Variants in POU2F3 observed in about 807,000 individuals in gnomAD.
POU2F3 encodes POU domain, class 2, transcription factor 3.
POU2F3 carries 23 observed loss-of-function variants against 59.2 expected under a neutral mutation model. The ratio of observed to expected loss-of-function variants is 0.39; its 90% CI spans 0.28 to 0.55. The LOEUF is 0.55. Among genes scored for constraint, POU2F3 ranks in the 20% least tolerant of loss-of-function variants. The pLI is 0.66. For synonymous variants in POU2F3, 190 were observed against 214.6 expected (o/e 0.89, Z 1.00); for missense variants, 473 against 544.5 (o/e 0.87, Z 1.31).
chr11:120,255,720 G>A (rs1171399121), intron 2 of POU2F3, among the ~76,000 whole-genome samples: 1 of 152,006 alleles, frequency 6.6e-6, no homozygotes, highest in Non-Finnish European at 1.5e-5. Context: ...CGCTGGGCTG[G>A]GTGTTATAAC....
chr11:120,315,128 G>A (rs972047939), intron 10 of POU2F3, among the ~76,000 whole-genome samples: 2 of 152,206 alleles, frequency 1.3e-5, no homozygotes, highest in Non-Finnish European at 2.9e-5. Flanking sequence ...GGGGCTGGAG[G>A]GCCCTGGTGT....
At chr11:120,305,281 G>A in intron 7 of POU2F3, 69 bp downstream of exon 7, 23 of 1,543,158 alleles carry the variant, frequency 1.5e-5, no homozygotes, top group Middle Eastern at 2.3e-4. Context: ...CCCAAGTGCA[G>A]GTTTCAAGAG....
chr11:120,283,922 G>C lies in POU2F3; in HGVS notation c.133-14343G>C, dbSNP rs12224052. On this transcript the variant is annotated intron_variant, in intron 3 of 12. Transcript: ENST00000543440. ...GTTCAGTTACTGGTGCATTCAGTAA[G>C]TGTGTTCTAAATAAATGCATGGAGG... 0.032 allele frequency among the ~76,000 whole-genome samples: 4,659 copies of C among 145,670 alleles called. 1,231 individuals are homozygous for C. In the East Asian group the frequency reaches 0.67, roughly 21 times the overall value.
chr11:120,311,549 T>C (rs1009823103), intron 10 of POU2F3, among the ~76,000 whole-genome samples: 1 of 152,176 alleles, frequency 6.6e-6, no homozygotes, highest in African/African-American at 2.4e-5. Flanking sequence ...ACTGGGTAGA[T>C]GGTATTGCCA....
At chr11:120,302,736 C>T (rs149647683) in intron 6 of POU2F3, 1 of 215,828 alleles carries the variant, frequency 4.6e-6, no homozygotes, top group Non-Finnish European at 9.2e-6. Flanking sequence ...CTCTCAAGCC[C>T]CAAGAGGGAG....
chr11:120,287,168 G>A (rs890972196), intron 3 of POU2F3, among the ~76,000 whole-genome samples: 29 of 152,216 alleles, frequency 1.9e-4, no homozygotes, highest in African/African-American at 6.8e-4. Flanking sequence ...AACTTTATAA[G>A]TCACATGATA....
At chr11:120,252,350 G>A (rs542033913) in intron 2 of POU2F3, among the ~76,000 whole-genome samples, 1 of 151,926 alleles carries the variant, frequency 6.6e-6, no homozygotes, top group African/African-American at 2.4e-5. Context: ...GGGATTACAG[G>A]CCCACCACCA....
intron 5 of POU2F3, chr11:120,300,776 A>AG (rs66899993): frequency 0.044 from 11,150 of 255,808 alleles, 357 homozygotes; most frequent in Admixed American, 0.11. Flanking sequence ...AAAAAAAAAA[A>AG]TAATGGAGGA....
Position 120,305,660 on chromosome 11 carries a change from C to A in POU2F3, c.644C>A (p.Ala215Glu). The change falls in exon 8 of 13, where the codon GCG becomes GAG. Residue 215 changes from alanine (A) to glutamate (E), a missense_variant. Transcript: ENST00000543440. Reference sequence around the variant, plus strand: ...CACGCTTAGGGAGATGTGGGGCTGGCGATGGGAAAGCTGTATGGCAACGAC... The same window carrying A: ...CACGCTTAGGGAGATGTGGGGCTGGAGATGGGAAAGCTGTATGGCAACGAC... ...LGFTQGDVGL[A>E]MGKLYGNDFS... is the part of the protein sequence containing the mutation. 6.2e-7 allele frequency: 1 copy of A among 1,613,792 alleles called. No homozygotes were observed.
At chr11:120,256,235 G>A (rs1939338533) in intron 2 of POU2F3, 1 of 152,126 alleles carries the variant, frequency 6.6e-6, no homozygotes, top group African/African-American at 2.4e-5. Context: ...TTCTGACTTT[G>A]GGGTAGTTAC....
At chr11:120,288,559 G>C (rs2135255699) in intron 3 of POU2F3, among the ~76,000 whole-genome samples, 1 of 152,264 alleles carries the variant, frequency 6.6e-6, no homozygotes, top group East Asian at 1.9e-4. Context: ...CACCGTTTAT[G>C]ACCCTGTTTT....
At chr11:120,294,628 G>A (rs965217129) in intron 3 of POU2F3, among the ~76,000 whole-genome samples, 2 of 152,192 alleles carry the variant, frequency 1.3e-5, no homozygotes, top group Non-Finnish European at 2.9e-5. Context: ...GCTGTAAAAA[G>A]GGATTTTTGT....
At chr11:120,236,810 A>G (rs1365763022), upstream of POU2F3, 1 of 1,161,026 alleles carries the variant, frequency 8.6e-7, no homozygotes, top group East Asian at 2.6e-5. Context: ...TTCCCCCTCA[A>G]CCCTATACAC....
chr11:120,311,240 C>T (rs574637554), intron 10 of POU2F3, among the ~76,000 whole-genome samples: 29 of 152,302 alleles, frequency 1.9e-4, no homozygotes, highest in African/African-American at 7.0e-4. Flanking sequence ...GAAGGATTTT[C>T]ATAGGATATT....
At chr11:120,294,219 G>GT (rs2135269955) in intron 3 of POU2F3, among the ~76,000 whole-genome samples, 1 of 152,328 alleles carries the variant, frequency 6.6e-6, no homozygotes, top group East Asian at 1.9e-4. Flanking sequence ...AAGACTCAGT[G>GT]TAATACCTTT....
At chr11:120,290,053 G>A (rs1451766023) in intron 3 of POU2F3, among the ~76,000 whole-genome samples, 2 of 152,154 alleles carry the variant, frequency 1.3e-5, no homozygotes, top group African/African-American at 4.8e-5. Flanking sequence ...TTTCATTCAC[G>A]CCACACAGAA....
chr11:120,282,800 T>G (rs1323576372), intron 3 of POU2F3, among the ~76,000 whole-genome samples: 4 of 152,218 alleles, frequency 2.6e-5, no homozygotes, highest in African/African-American at 9.6e-5. Context: ...GTTTATATTT[T>G]CCCCCTTGAT....
upstream of POU2F3, chr11:120,240,124 G>T: frequency 8.5e-7 from 1 of 1,170,134 alleles, no homozygotes; most frequent in Non-Finnish European, 1.1e-6. Flanking sequence ...GCCCCGCGCC[G>T]CGTGCTCACC....
intron 3 of POU2F3, among the ~76,000 whole-genome samples, chr11:120,279,836 GC>G (rs1940491390): frequency 6.6e-6 from 1 of 152,204 alleles, no homozygotes; most frequent in Admixed American, 6.5e-5. Flanking sequence ...CTACCAGACA[GC>G]CCCAAACACC....
Sources: allele counts gnomAD v4.1 joint callset (sites outside exome capture counted in the v4.1 genomes callset), GRCh38; gene constraint gnomAD v4.1.1; transcripts MANE v1.5; gene names NCBI Gene and HGNC (gene_info 2026-07-23, HGNC 2026-07-21).